Variants in IDO2 observed in about 807,000 individuals in gnomAD.
IDO2 encodes the protein indoleamine 2,3-dioxygenase 2.
A neutral mutation model predicts 45.1 loss-of-function variants in IDO2; 46 were observed. That is an observed-to-expected ratio of 1.02 (90% CI 0.80 to 1.30). The LOEUF (loss-of-function observed/expected upper bound fraction) is 1.30, where lower values mean the gene tolerates loss of function less well. Ranked by LOEUF, IDO2 falls within the 50% of genes most tolerant of loss-of-function variation. The pLI is 0.00. For missense variants in IDO2, 544 were observed against 491.8 expected (o/e 1.11, Z -1.00); for synonymous variants, 218 against 184.9 (o/e 1.18, Z -1.45).
chr8:39,992,181 T>C (rs549693485), intron 8 of IDO2, among the ~76,000 whole-genome samples: 5 of 152,200 alleles, frequency 3.3e-5, no homozygotes, highest in African/African-American at 1.2e-4. Flanking sequence ...GTGATGTACG[T>C]GTTGCCAATA....
At chr8:39,947,227 T>C (rs1045434477) in intron 1 of IDO2, among the ~76,000 whole-genome samples, 1 of 151,522 alleles carries the variant, frequency 6.6e-6, no homozygotes, top group East Asian at 1.9e-4. Context: ...TAATTTGTTC[T>C]TGCTGTAAAA....
At chr8:40,005,299 A>G (rs369259654) in intron 8 of IDO2, 28 bp from the exon 9 acceptor site, 1 of 1,540,978 alleles carries the variant, frequency 6.5e-7, no homozygotes, top group Non-Finnish European at 8.9e-7. Context: ...TGCCTGTAGT[A>G]AAGTTCACAT....
At chr8:40,009,581 G>T (rs1802280505) in intron 9 of IDO2, among the ~76,000 whole-genome samples, 1 of 152,038 alleles carries the variant, frequency 6.6e-6, no homozygotes, top group African/African-American at 2.4e-5. Context: ...TTTTTTCACA[G>T]TAGCAGCTTG....
chr8:39,981,296 G>A (rs1433900999), intron 4 of IDO2, among the ~76,000 whole-genome samples: 2 of 152,048 alleles, frequency 1.3e-5, no homozygotes, highest in African/African-American at 4.8e-5. Flanking sequence ...TCTTGACCTC[G>A]TGATCTGCCC....
intron 8 of IDO2, among the ~76,000 whole-genome samples, chr8:39,995,487 G>C (rs893796643): frequency 6.3e-4 from 96 of 151,776 alleles, no homozygotes; most frequent in African/African-American, 2.2e-3. Context: ...TCACCATGTT[G>C]GCCAGGCTAG....
At chr8:39,962,618 A>G (rs562015179) in intron 2 of IDO2, among the ~76,000 whole-genome samples, 25 of 152,256 alleles carry the variant, frequency 1.6e-4, no homozygotes, top group Admixed American at 1.0e-3. Flanking sequence ...GGATGACGGA[A>G]TTTATTAAGC....
At chr8:40,014,812 G>C (rs567934127) in intron 10 of IDO2, among the ~76,000 whole-genome samples, 108 of 152,254 alleles carry the variant, frequency 7.1e-4, no homozygotes, top group African/African-American at 2.6e-3. Flanking sequence ...AGGTAGATTT[G>C]AGTTAGAACA....
chr8:39,962,197 G>T (rs1808009013), intron 2 of IDO2, among the ~76,000 whole-genome samples: 1 of 152,094 alleles, frequency 6.6e-6, no homozygotes, highest in Non-Finnish European at 1.5e-5. Flanking sequence ...GGCCATAAAT[G>T]GAGCTATTGG....
chr8:40,008,541 T>G (rs57956052), intron 9 of IDO2, among the ~76,000 whole-genome samples: 1 of 152,106 alleles, frequency 6.6e-6, no homozygotes, highest in African/African-American at 2.4e-5. Context: ...CCCTTTGCCA[T>G]AATATATCAT....
chr8:39,973,811 G>C (rs887854501), intron 3 of IDO2, among the ~76,000 whole-genome samples: 2 of 150,274 alleles, frequency 1.3e-5, no homozygotes, highest in Admixed American at 6.7e-5. Context: ...GCACAATCTC[G>C]GCTCACTGCA....
At chr8:40,010,514 A>C (rs1406102137) in intron 9 of IDO2, among the ~76,000 whole-genome samples, 1 of 152,238 alleles carries the variant, frequency 6.6e-6, no homozygotes, top group African/African-American at 2.4e-5. Context: ...AGTAGGAAAT[A>C]AACTCCAAGA....
rs67170328 is a variant in IDO2, at chr8:39,934,845, CT to C, written c.-388del. The C allele has an allele frequency of 0.41, 159,535 of 389,510 alleles. 33,837 individuals are homozygous for C. Among genetic ancestry groups the C allele is most frequent in the East Asian group, 0.54 (8,399 of 15,438 alleles). 24.1% of individuals were successfully genotyped at this position (389,510 alleles called of 1,614,324 possible). On this transcript the variant is annotated 5_prime_UTR_variant, in exon 1 of 11. An upstream open reading frame in the 5' UTR gains an earlier in-frame stop. Transcript: ENST00000502986. ...AGGCTGGTGCCTGGAAATATTGTGA[CT>C]TTGCCACAGAAAGAAGATGGAGAAT...
At chr8:39,992,518 A>C (rs1303899191) in intron 8 of IDO2, among the ~76,000 whole-genome samples, 2 of 152,174 alleles carry the variant, frequency 1.3e-5, no homozygotes, top group Non-Finnish European at 2.9e-5. Context: ...CATCAACAGA[A>C]TATAGTGGTT....
chr8:39,940,231 TAC>T (rs1419726035), intron 1 of IDO2, among the ~76,000 whole-genome samples: 1 of 152,188 alleles, frequency 6.6e-6, no homozygotes, highest in East Asian at 1.9e-4. Context: ...CCGAAAGCAG[TAC>T]AAAGTTCTAC....
chr8:39,967,133 T>A (rs1051744617), intron 3 of IDO2, among the ~76,000 whole-genome samples: 17 of 151,930 alleles, frequency 1.1e-4, no homozygotes, highest in Admixed American at 1.1e-3. Context: ...TCATAAAGCA[T>A]AAAGAAAAAT....
intron 9 of IDO2, among the ~76,000 whole-genome samples, chr8:40,009,402 C>G (rs1277668507): frequency 6.6e-6 from 1 of 151,262 alleles, no homozygotes; most frequent in East Asian, 1.9e-4. Flanking sequence ...CTTTAGTTCC[C>G]ACACACATTC....
chr8:40,010,825 T>C (rs1164866483), intron 9 of IDO2, among the ~76,000 whole-genome samples: 1 of 152,126 alleles, frequency 6.6e-6, no homozygotes, highest in African/African-American at 2.4e-5. Flanking sequence ...AAGTAGGCAG[T>C]TGGATGTATG....
At chr8:39,993,055 A>G (rs1378109144) in intron 8 of IDO2, among the ~76,000 whole-genome samples, 1 of 152,066 alleles carries the variant, frequency 6.6e-6, no homozygotes, top group African/African-American at 2.4e-5. Context: ...CTGGAAACAT[A>G]ACCATATCTA....
At chr8:39,964,007 C>G (rs1808042481) in intron 3 of IDO2, among the ~76,000 whole-genome samples, 1 of 152,104 alleles carries the variant, frequency 6.6e-6, no homozygotes, top group Admixed American at 6.6e-5. Flanking sequence ...CAAGGTATCG[C>G]CTAAGAAGGT....
Sources: allele counts gnomAD v4.1 joint callset (sites outside exome capture counted in the v4.1 genomes callset), GRCh38; gene constraint gnomAD v4.1.1; transcripts MANE v1.5; gene names NCBI Gene and HGNC (gene_info 2026-07-23, HGNC 2026-07-21).